Variants in GXYLT1 observed in about 807,000 individuals in gnomAD.
GXYLT1 encodes the protein glucoside xylosyltransferase 1.
A neutral mutation model predicts 54.0 loss-of-function variants in GXYLT1; 29 were observed. That is an observed-to-expected ratio of 0.54 (90% CI 0.40 to 0.73). GXYLT1 has a LOEUF of 0.73. Among genes scored for constraint, GXYLT1 ranks in the 30% least tolerant of loss-of-function variants. GXYLT1 has a pLI of 0.00. For missense variants in GXYLT1, 490 were observed against 553.4 expected (o/e 0.89, Z 1.15); for synonymous variants, 176 against 204.1 (o/e 0.86, Z 1.17).
chr12:42,144,527 C>T lies in GXYLT1; in HGVS notation c.120G>A (p.Lys40=). ...LEEGTGGGGG[K]PQAAVASWLA... ...GCCAGGAAGCCACCGCGGCCTGCGG[C>T]TTCCCGCCACCGCCGCCCGTTCCTT... Residue 40 remains lysine, a synonymous_variant, in exon 1 of 8, where the codon AAG becomes AAA. Transcript: ENST00000398675. 1 of 1,424,134 alleles carries T rather than the reference C, an allele frequency of 7.0e-7. No homozygotes were observed. The highest frequency in any genetic ancestry group is 1.4e-5 in the South Asian group (1 of 69,140). 88.2% of individuals were successfully genotyped at this position (1,424,134 alleles called of 1,614,324 possible). A position where few individuals can be genotyped will look rare whatever the true frequency, so the allele number is the denominator to read the frequency against.
rs1592103440 is a variant in GXYLT1, at chr12:42,097,545, T to C, written c.1058A>G (p.Gln353Arg). 1 of 1,612,462 alleles carries C rather than the reference T, an allele frequency of 6.2e-7. No homozygotes were observed. Among genetic ancestry groups the C allele is most frequent in the Non-Finnish European group, 8.5e-7 (1 of 1,179,342 alleles). ...PDHCIYGSNC[Q>R]EAEEGGIFIL... ...AAAGATTCCTCCTTCTTCTGCTTCT[T>C]GGCAATTGCTTCCATATATACAATG... is the stretch of plus-strand genomic sequence containing the variant. Residue 353 changes from glutamine to arginine, a missense_variant, in exon 7 of 8, where the codon CAA becomes CGA. By Grantham distance (43) the Gln-to-Arg change is conservative. This residue lies in a region of GXYLT1 where 342 missense variants were observed against 342.6 expected (regional missense o/e 1.00). Coordinates refer to ENST00000398675, the MANE Select transcript of GXYLT1 (RefSeq NM_173601.2).
intron 4 of GXYLT1, among the ~76,000 whole-genome samples, chr12:42,109,232 G>A (rs112975589): frequency 0.012 from 1,763 of 152,210 alleles, 29 homozygotes; most frequent in African/African-American, 0.038. Flanking sequence ...TAACGCCACC[G>A]CATTTCTGCT....
At chr12:42,113,707 T>C (rs11503806) in intron 3 of GXYLT1, among the ~76,000 whole-genome samples, 7,458 of 150,802 alleles carry the variant, frequency 0.049, 862 homozygotes, top group African/African-American at 0.15. Context: ...ACTGTCAACA[T>C]TGGACAGATC....
At position 42,144,836 on chromosome 12, in the gene GXYLT1, C is replaced by T. The variant is rs1266289411; in HGVS notation, c.-190G>A. The stretch of plus-strand genomic sequence containing the variant: ...GGCGAGCGCAGTCGCGGCTCCGGAG[C>T]CGAAGGACTACCCGCCCGGAAGCCT... On this transcript the variant is annotated 5_prime_UTR_variant, in exon 1 of 8. Coordinates refer to ENST00000398675, the MANE Select transcript of GXYLT1 (RefSeq NM_173601.2). 4 of 374,018 alleles carry T rather than the reference C, an allele frequency of 1.1e-5. No homozygotes were observed. Among genetic ancestry groups the T allele is most frequent in the Middle Eastern group, 7.4e-4 (1 of 1,360 alleles). The allele number at this position is 374,018 out of a possible 1,614,324, so 23.2% of individuals were successfully genotyped here. A position where few individuals can be genotyped will look rare whatever the true frequency, so the allele number is the denominator to read the frequency against.
chr12:42,087,992 G>A (rs2136869257), intron 7 of GXYLT1, 45 bp from the exon 8 acceptor site: 2 of 1,021,464 alleles, frequency 2.0e-6, no homozygotes, highest in Non-Finnish European at 2.8e-6. Flanking sequence ...AAAAGGCAAA[G>A]GTACATATGT....
At chr12:42,112,293 G>C (rs940027299) in intron 3 of GXYLT1, among the ~76,000 whole-genome samples, 2 of 152,232 alleles carry the variant, frequency 1.3e-5, no homozygotes, top group African/African-American at 4.8e-5. Flanking sequence ...AAGCTAGATG[G>C]AGAATGACTT....
chr12:42,097,653 C>T, intron 6 of GXYLT1, 39 bp from the exon 7 acceptor site: 1 of 1,528,116 alleles, frequency 6.5e-7, no homozygotes, highest in Non-Finnish European at 8.9e-7. Flanking sequence ...GCAAATACCC[C>T]TAATTCCACA....
At chr12:42,089,754 G>A (rs1020363279) in intron 7 of GXYLT1, among the ~76,000 whole-genome samples, 3 of 152,160 alleles carry the variant, frequency 2.0e-5, no homozygotes, top group Non-Finnish European at 4.4e-5. Flanking sequence ...GTTGAAGGAC[G>A]AAGCTCAATG....
chr12:42,114,616 T>G (rs2065481457), intron 3 of GXYLT1, among the ~76,000 whole-genome samples: 1 of 152,036 alleles, frequency 6.6e-6, no homozygotes, highest in South Asian at 2.1e-4. Flanking sequence ...AACAACAGGC[T>G]CTGAAATTGA....
At chr12:42,138,497 C>T (rs767163530) in intron 1 of GXYLT1, among the ~76,000 whole-genome samples, 1 of 151,516 alleles carries the variant, frequency 6.6e-6, no homozygotes, top group African/African-American at 2.4e-5. Flanking sequence ...TCTACCAGCC[C>T]CCAGCTCCCC....
intron 1 of GXYLT1, among the ~76,000 whole-genome samples, chr12:42,139,089 G>A (rs371862897): frequency 3.3e-5 from 5 of 151,208 alleles, no homozygotes; most frequent in African/African-American, 7.3e-5. Context: ...ACAGCTACTC[G>A]GGAAGCTAAG....
chr12:42,122,410 C>T (rs982623570), intron 2 of GXYLT1, among the ~76,000 whole-genome samples: 8 of 151,820 alleles, frequency 5.3e-5, no homozygotes, highest in Non-Finnish European at 8.8e-5. Flanking sequence ...GCCAACATGG[C>T]GAAACCCCGT....
rs2065292784 is a variant in GXYLT1, at chr12:42,086,287, C to A, written c.*1499G>T. 1 of 152,278 alleles carries A rather than the reference C, an allele frequency of 6.6e-6. No homozygotes were observed. Among genetic ancestry groups the A allele is most frequent in the Admixed American group, 6.5e-5 (1 of 15,286 alleles). 9.4% of individuals were successfully genotyped at this position (152,278 alleles called of 1,614,324 possible). On this transcript the variant is annotated 3_prime_UTR_variant, in exon 8 of 8. Transcript: ENST00000398675. ...GACTGGTTATCAACTTCTAATGCAC[C>A]CTGCTTAAACTTTCCTCTCTCAATT...
At chr12:42,090,190 A>G (rs1388522748) in intron 7 of GXYLT1, among the ~76,000 whole-genome samples, 1 of 152,232 alleles carries the variant, frequency 6.6e-6, no homozygotes, top group Non-Finnish European at 1.5e-5. Context: ...TCTGCCCATC[A>G]TATGAAAAAA....
chr12:42,089,246 A>G (rs2065315238), intron 7 of GXYLT1, among the ~76,000 whole-genome samples: 2 of 150,132 alleles, frequency 1.3e-5, no homozygotes, highest in African/African-American at 2.4e-5. Flanking sequence ...TAAGAGTTGT[A>G]TATGACTGCA....
intron 4 of GXYLT1, among the ~76,000 whole-genome samples, chr12:42,106,743 C>CTTTTTTTT (rs1231770611): frequency 1.6e-5 from 2 of 127,632 alleles, no homozygotes; most frequent in Non-Finnish European, 3.3e-5. Context: ...TATTATTTTT[C>CTTTTTTTT]TTTTTTTTTT....
intron 1 of GXYLT1, among the ~76,000 whole-genome samples, chr12:42,135,968 T>C (rs1349163884): frequency 6.6e-6 from 1 of 152,256 alleles, no homozygotes; most frequent in African/African-American, 2.4e-5. Context: ...GAAAGATGTT[T>C]TTCTTTCTTT....
chr12:42,099,776 G>C (rs1014160941), intron 5 of GXYLT1, among the ~76,000 whole-genome samples: 5 of 152,148 alleles, frequency 3.3e-5, no homozygotes, highest in African/African-American at 1.2e-4. Context: ...CTTGAGCCTG[G>C]GAGGTGGAGG....
chr12:42,119,761 T>C (rs1020411771), intron 2 of GXYLT1, among the ~76,000 whole-genome samples: 3 of 152,172 alleles, frequency 2.0e-5, no homozygotes. Flanking sequence ...TGAGCTGTAA[T>C]TGTGCCACTT....
Sources: allele counts gnomAD v4.1 joint callset (sites outside exome capture counted in the v4.1 genomes callset), GRCh38; gene constraint gnomAD v4.1.1; regional missense constraint gnomAD v4.1.1; transcripts MANE v1.5; gene names NCBI Gene and HGNC (gene_info 2026-07-23, HGNC 2026-07-21).